SEMA5A: variants seen among roughly 807,000 people sequenced by gnomAD.
SEMA5A encodes the protein semaphorin 5A, also known as semaphorin-5A.
SEMA5A carries 55 observed loss-of-function variants against 135.5 expected under a neutral mutation model. The observed-to-expected ratio is 0.41, with a 90% CI of 0.33 to 0.51. SEMA5A has a LOEUF of 0.51. Ranked by LOEUF, SEMA5A falls within the 20% of genes least tolerant of loss-of-function variation. The pLI is 0.37. For missense variants in SEMA5A, 1,290 were observed against 1,419.9 expected, an observed-to-expected ratio of 0.91 and a Z score of 1.47; for synonymous variants, 580 against 546.5, an observed-to-expected ratio of 1.06 and a Z score of -0.85.
chr5:9,283,868 CTG>C (rs1006433995), intron 5 of SEMA5A, among the ~76,000 whole-genome samples: 24 of 152,302 alleles, frequency 1.6e-4, no homozygotes, highest in African/African-American at 5.8e-4. Flanking sequence ...TCTCCAGTGA[CTG>C]TTCCCAAACT....
At chr5:9,438,553 A>G (rs1479299945) in intron 1 of SEMA5A, among the ~76,000 whole-genome samples, 8 of 152,352 alleles carry the variant, frequency 5.3e-5, no homozygotes, top group East Asian at 1.9e-4. Flanking sequence ...GGCTGAAAAT[A>G]TAGGTGACTT....
chr5:9,359,954 A>C (rs1754619330), intron 3 of SEMA5A, among the ~76,000 whole-genome samples: 1 of 152,250 alleles, frequency 6.6e-6, no homozygotes, highest in African/African-American at 2.4e-5. Flanking sequence ...GTTGTCTAAT[A>C]GATTTAAAAA....
intron 11 of SEMA5A, among the ~76,000 whole-genome samples, chr5:9,156,026 C>T (rs1477974308): frequency 6.6e-6 from 1 of 152,178 alleles, no homozygotes; most frequent in Non-Finnish European, 1.5e-5. Context: ...CTGAAGTATG[C>T]TATATGCGGG....
At chr5:9,293,696 G>C (rs1040164331) in intron 5 of SEMA5A, among the ~76,000 whole-genome samples, 2 of 152,040 alleles carry the variant, frequency 1.3e-5, no homozygotes, top group African/African-American at 4.8e-5. Context: ...CAAAATGGAG[G>C]CTTATTTACA....
chr5:9,299,806 A>T (rs1448679809), intron 5 of SEMA5A, among the ~76,000 whole-genome samples: 1 of 152,158 alleles, frequency 6.6e-6, no homozygotes, highest in Non-Finnish European at 1.5e-5. Context: ...TCCAAATGGC[A>T]CAGACAAAAG....
At chr5:9,062,756 T>C in intron 18 of SEMA5A, 131 bp downstream of exon 18, 1 of 921,912 alleles carries the variant, frequency 1.1e-6, no homozygotes, top group Non-Finnish European at 1.7e-6. Flanking sequence ...CAACCACGCA[T>C]AGCCAAGACA....
In SEMA5A at chr5:9,063,046, A is replaced by G; in HGVS notation, c.2359T>C (p.Trp787Arg). Residue 787 changes from tryptophan (W) to arginine (R), a missense_variant, in exon 18 of 23, where the codon TGG (tryptophan) becomes CGG (arginine). Coordinates refer to ENST00000382496, the MANE Select transcript of SEMA5A (RefSeq NM_003966.3). ...TGTGACCACGACGTCCAGGCTGACC[A>G]AGCCCCGTTGACCGTGTGGGCAGAG... is the stretch of plus-strand genomic sequence containing the variant. ...RYSAHTVNGA[W>R]SAWTSWSQCS... The G allele has an allele frequency of 1.2e-6, 2 of 1,614,232 alleles. No homozygotes were observed. The highest frequency in any genetic ancestry group is 1.7e-6 in the Non-Finnish European group (2 of 1,180,040).
chr5:9,268,722 C>T (rs1288925374), intron 5 of SEMA5A, among the ~76,000 whole-genome samples: 1 of 152,068 alleles, frequency 6.6e-6, no homozygotes, highest in Non-Finnish European at 1.5e-5. Flanking sequence ...TCATTTACAT[C>T]ACACTTCATA....
At chr5:9,228,549 T>C (rs1357618454) in intron 6 of SEMA5A, among the ~76,000 whole-genome samples, 3 of 152,224 alleles carry the variant, frequency 2.0e-5, no homozygotes, top group Non-Finnish European at 4.4e-5. Context: ...GCGTGAAGTA[T>C]TGATGAGCTC....
At chr5:9,303,860 T>C (rs12659734) in intron 5 of SEMA5A, among the ~76,000 whole-genome samples, 25,785 of 152,156 alleles carry the variant, frequency 0.17, 2,383 homozygotes, top group East Asian at 0.24. Context: ...AATAACATAT[T>C]TTGAAATTTG....
In SEMA5A at chr5:9,414,179, C is replaced by A. The variant is rs1046424436; in HGVS notation, c.-78+23577G>T. ...ATGTATAAACAGACGTTATTATAAT[C>A]ATCATATTTCATTTTAATATTTGAG... On this transcript the variant is annotated intron_variant, in intron 2 of 22. Transcript: ENST00000382496. 2.0e-5 allele frequency among the ~76,000 whole-genome samples: 3 copies of A among 152,102 alleles called. No individual in the cohort carries two copies. The South Asian group carries it at 6.2e-4, about 32-fold the overall frequency.
Position 9,035,674 on chromosome 5 carries a change from T to C in SEMA5A, c.*7223A>G, listed in dbSNP as rs1735610487. ...ACATTAGAAATTTCTATTGCGCACA[T>C]GTAACAAGAAGGTTTTGAAGAATAT... On this transcript the variant is annotated 3_prime_UTR_variant, in exon 23 of 23. Transcript: ENST00000382496. The C allele has an allele frequency of 6.6e-6, 1 of 152,030 alleles. No individual in the cohort carries two copies. The highest frequency in any genetic ancestry group is 2.1e-4 in the South Asian group (1 of 4,816). 9.4% of individuals were successfully genotyped at this position (152,030 alleles called of 1,614,324 possible).
chr5:9,166,737 C>A (rs1409791200), intron 11 of SEMA5A, among the ~76,000 whole-genome samples: 1 of 152,132 alleles, frequency 6.6e-6, no homozygotes, highest in Non-Finnish European at 1.5e-5. Flanking sequence ...TGAATAAAAA[C>A]CATATTACTT....
intron 3 of SEMA5A, among the ~76,000 whole-genome samples, chr5:9,356,090 T>C (rs1754431326): frequency 6.6e-6 from 1 of 152,196 alleles, no homozygotes; most frequent in Non-Finnish European, 1.5e-5. Flanking sequence ...ACCTGCTCCT[T>C]CCCTTCAATT....
At chr5:9,049,006 G>A (rs1736417492) in intron 21 of SEMA5A, among the ~76,000 whole-genome samples, 1 of 152,068 alleles carries the variant, frequency 6.6e-6, no homozygotes, top group Non-Finnish European at 1.5e-5. Context: ...GACTGCGTGG[G>A]TGCCCATCCT....
At chr5:9,494,724 AAC>A (rs1186244405) in intron 1 of SEMA5A, among the ~76,000 whole-genome samples, 1 of 152,106 alleles carries the variant, frequency 6.6e-6, no homozygotes, top group Admixed American at 6.5e-5. Context: ...TAGATGAAAA[AAC>A]ACAGATTGTA....
chr5:9,432,489 CCCT>C (rs1757892882), intron 2 of SEMA5A, among the ~76,000 whole-genome samples: 1 of 151,982 alleles, frequency 6.6e-6, no homozygotes, highest in Admixed American at 6.6e-5. Flanking sequence ...TAGTTTAAAC[CCCT>C]CATTACCTAT....
At chr5:9,282,787 C>T (rs1750608639) in intron 5 of SEMA5A, among the ~76,000 whole-genome samples, 1 of 152,074 alleles carries the variant, frequency 6.6e-6, no homozygotes, top group Non-Finnish European at 1.5e-5. Flanking sequence ...ATCCTAAATT[C>T]CTAGTGGTAG....
At chr5:9,396,766 C>A (rs1756422087) in intron 2 of SEMA5A, among the ~76,000 whole-genome samples, 1 of 152,170 alleles carries the variant, frequency 6.6e-6, no homozygotes, top group Non-Finnish European at 1.5e-5. Context: ...TTCTGCCTCC[C>A]AACCCTCCCT....
Sources: gnomAD v4.1 joint callset for allele counts (sites outside exome capture counted in the v4.1 genomes callset) on GRCh38, gnomAD v4.1.1 for gene constraint, MANE v1.5 for transcripts, NCBI Gene and HGNC (gene_info 2026-07-23, HGNC 2026-07-21) for gene names.